The following DOCK6 variants were observed in gnomAD, a reference collection of about 807,000 sequenced individuals.
The protein encoded by DOCK6 is dedicator of cytokinesis 6.
In DOCK6, 167 loss-of-function variants were observed where a neutral mutation model predicts 230.3. That is an observed-to-expected ratio of 0.73 (90% CI 0.64 to 0.82). The LOEUF (loss-of-function observed/expected upper bound fraction) is 0.82, where lower values mean the gene tolerates loss of function less well. Among genes scored for constraint, DOCK6 ranks in the 40% least tolerant of loss-of-function variants. The pLI is 0.00. For synonymous variants in DOCK6, 1,148 were observed against 1,185.0 expected, an observed-to-expected ratio of 0.97 and a Z score of 0.64; for missense variants, 2,598 against 2,825.8, an observed-to-expected ratio of 0.92 and a Z score of 1.83.
At position 11,228,947 on chromosome 19, in the gene DOCK6, T is replaced by C. The variant is rs774030436; in HGVS notation, c.2807A>G (p.Gln936Arg). ...AILQHAWFFF[Q>R]LMVKSMALHL... The stretch of plus-strand genomic sequence containing the variant: ...GGGAGGAGGGGGTCTCACCATGAGC[T>C]GGAAGAAGAACCAGGCGTGCTGGAG... Residue 936 changes from glutamine to arginine, a missense_variant, in exon 23 of 48, where the codon CAG becomes CGG. Gln to Arg is a conservative substitution (Grantham distance 43). Coordinates refer to ENST00000294618, the MANE Select transcript of DOCK6 (RefSeq NM_020812.4). The C allele has an allele frequency of 6.2e-7, 1 of 1,613,150 alleles. No homozygotes were observed. The highest frequency in any genetic ancestry group is 2.2e-5 in the East Asian group (1 of 44,832).
rs1015976474 is a variant in DOCK6 at position 11,216,410 on chromosome 19, C to T, written c.3895-483G>A. Among the ~76,000 whole-genome samples, 3 of 148,688 alleles carry T rather than the reference C, an allele frequency of 2.0e-5. No individual in the cohort carries two copies. The East Asian group carries it at 5.9e-4, about 29-fold the overall frequency. ...GCCCTGTTTTAAAAAAATTTCTTTT[C>T]TTCTTTTTTTTTTTTGAGATGGAGT... On this transcript the variant is annotated intron_variant, in intron 30 of 47. Coordinates refer to ENST00000294618, the MANE Select transcript of DOCK6 (RefSeq NM_020812.4).
At chr19:11,229,149 G>A in intron 22 of DOCK6, 114 bp from the exon 23 acceptor site, 1 of 1,233,316 alleles carries the variant, frequency 8.1e-7, no homozygotes, top group Non-Finnish European at 1.1e-6. Context: ...TGCAGCAGGA[G>A]CCAGGCAGGA....
At chr19:11,240,410 T>G in intron 14 of DOCK6, 3 of 1,080,576 alleles carry the variant, frequency 2.8e-6, no homozygotes, top group Middle Eastern at 3.1e-4. Flanking sequence ...CTGTGGCCTC[T>G]ACCCTGCATG....
intron 1 of DOCK6, among the ~76,000 whole-genome samples, chr19:11,259,881 CT>C (rs1205836383): frequency 0.013 from 900 of 67,722 alleles, 5 homozygotes; most frequent in African/African-American, 0.05. Flanking sequence ...CGCGCCCGGC[CT>C]TTTTTTTTTT....
Position 11,257,781 on chromosome 19 carries a change from G to A in DOCK6, c.45-4055C>T, listed in dbSNP as rs147555565. Among the ~76,000 whole-genome samples, 22 of 151,308 alleles carry A rather than the reference G, an allele frequency of 1.5e-4. No homozygotes were observed. In the East Asian group the frequency reaches 2.7e-3, roughly 19 times the overall value. On this transcript the variant is annotated intron_variant, in intron 1 of 47. Coordinates refer to ENST00000294618, the MANE Select transcript of DOCK6 (RefSeq NM_020812.4). ...TCCAGCCTAGGCAACAGAAAGAAAC[G>A]CTGTCTCAAGAAAAAAAAAAAATCC... is the stretch of plus-strand genomic sequence containing the variant.
intron 35 of DOCK6, among the ~76,000 whole-genome samples, chr19:11,212,560 TC>T (rs764319425): frequency 7.5e-4 from 87 of 116,446 alleles, no homozygotes; most frequent in African/African-American, 2.2e-3. Flanking sequence ...TTTCTTTCTT[TC>T]TTTCTTTTTT....
At chr19:11,228,504 G>T (rs1168585774) in intron 23 of DOCK6, among the ~76,000 whole-genome samples, 2 of 151,802 alleles carry the variant, frequency 1.3e-5, no homozygotes, top group Admixed American at 6.6e-5. Flanking sequence ...TTGTGGGGGG[G>T]GGTCTCTTGG....
chr19:11,229,652 G>A (rs1460001859), intron 22 of DOCK6, among the ~76,000 whole-genome samples: 3 of 152,022 alleles, frequency 2.0e-5, no homozygotes, highest in Non-Finnish European at 4.4e-5. Flanking sequence ...AGACGGGGCA[G>A]TGGAGGCAGG....
intron 1 of DOCK6, among the ~76,000 whole-genome samples, chr19:11,258,187 G>A (rs771660468): frequency 1.4e-4 from 21 of 152,138 alleles, no homozygotes; most frequent in Non-Finnish European, 2.4e-4. Context: ...TGCAGGCAAT[G>A]GCCCAGCTGA....
chr19:11,211,739 G>T (rs184044949), intron 37 of DOCK6, 37 bp downstream of exon 37: 3 of 1,485,804 alleles, frequency 2.0e-6, no homozygotes, highest in African/African-American at 1.4e-5. Context: ...CTGTTGGGGC[G>T]TGGGCGTGGC....
intron 28 of DOCK6, among the ~76,000 whole-genome samples, chr19:11,220,691 CAG>C (rs1451375637): frequency 3.3e-5 from 5 of 151,784 alleles, no homozygotes; most frequent in Non-Finnish European, 7.4e-5. Flanking sequence ...AGTCAGCAAA[CAG>C]AAACTTTTAA....
chr19:11,203,890 T>C (rs1454263915), intron 41 of DOCK6, 191 bp downstream of exon 41: 1 of 677,674 alleles, frequency 1.5e-6, no homozygotes, highest in Non-Finnish European at 2.4e-6. Context: ...GCCCTCGAGA[T>C]CTGGGGCGGG....
chr19:11,205,638 C>T (rs1043582184), intron 39 of DOCK6, among the ~76,000 whole-genome samples: 7 of 151,758 alleles, frequency 4.6e-5, no homozygotes, highest in South Asian at 2.1e-4. Context: ...CCACTGCACC[C>T]AGCCATATTT....
intron 1 of DOCK6, among the ~76,000 whole-genome samples, chr19:11,258,845 G>A (rs1437115396): frequency 4.9e-5 from 7 of 143,608 alleles, no homozygotes; most frequent in African/African-American, 1.3e-4. Flanking sequence ...CAACCTCCAC[G>A]TCCCGGGTTC....
rs545781821 is a variant in DOCK6, at chr19:11,213,169, C to T, written c.4491+7G>A. On this transcript the variant is annotated splice_region_variant and intron_variant, in intron 35 of 47. Coordinates refer to ENST00000294618, the MANE Select transcript of DOCK6 (RefSeq NM_020812.4). ...TGTGTGGACCATGCCTCCTAGCCCC[C>T]ACTCACGTGGCCGATCTCGAAGTTC... 1 of 1,610,040 alleles carries T rather than the reference C, an allele frequency of 6.2e-7. No homozygotes were observed. Among genetic ancestry groups the T allele is most frequent in the Non-Finnish European group, 8.5e-7 (1 of 1,177,562 alleles).
chr19:11,244,174 G>A (rs2079996450), intron 9 of DOCK6, among the ~76,000 whole-genome samples: 1 of 152,114 alleles, frequency 6.6e-6, no homozygotes, highest in Non-Finnish European at 1.5e-5. Context: ...ATGTATGTAT[G>A]TATGTATGTA....
Position 11,233,292 on chromosome 19 carries a change from G to A in DOCK6, c.2629C>T (p.Arg877Cys), listed in dbSNP as rs199553475. ...TTGCTGCTGCTGATGCTCTTGGAAC[G>A]CGCCAGGTAGAGGCTTGCGGGGCGA... ...SGRPASLYLA[R>C]SKSISSSNPD... Residue 877 changes from arginine to cysteine, a missense_variant, in exon 22 of 48, where the codon CGT (arginine) becomes TGT (cysteine). Transcript: ENST00000294618. 320 of 1,613,806 alleles carry A rather than the reference G, an allele frequency of 2.0e-4. No homozygotes were observed. The highest frequency in any genetic ancestry group is 2.5e-4 in the Non-Finnish European group (297 of 1,179,876).
At chr19:11,241,753 C>T (rs2079948983) in intron 14 of DOCK6, 16 of 1,552,176 alleles carry the variant, frequency 1.0e-5, no homozygotes, top group Middle Eastern at 3.3e-4. Context: ...CGTGAGGCCC[C>T]TGTGCAGGGA....
intron 1 of DOCK6, among the ~76,000 whole-genome samples, chr19:11,261,003 TACAG>T (rs1481091882): frequency 6.6e-6 from 1 of 151,872 alleles, no homozygotes; most frequent in African/African-American, 2.4e-5. Flanking sequence ...AAAGCCAATT[TACAG>T]ACAAAGATAA....
Sources: allele counts gnomAD v4.1 joint callset (sites outside exome capture counted in the v4.1 genomes callset), GRCh38; gene constraint gnomAD v4.1.1; transcripts MANE v1.5; gene names NCBI Gene and HGNC (gene_info 2026-07-23, HGNC 2026-07-21).